Variants in GRIN2A observed in about 807,000 individuals in gnomAD.
The protein encoded by GRIN2A is glutamate ionotropic receptor NMDA type subunit 2A.
In GRIN2A, 22 loss-of-function variants were observed where a neutral mutation model predicts 113.4. The observed-to-expected ratio is 0.19, with a 90% CI of 0.14 to 0.28. GRIN2A has a LOEUF of 0.28. Among genes scored for constraint, GRIN2A ranks in the 10% least tolerant of loss-of-function variants. GRIN2A has a pLI of 1.00. For synonymous variants in GRIN2A, 827 were observed against 738.4 expected, an observed-to-expected ratio of 1.12 and a Z score of -1.94; for missense variants, 1,502 against 1,887.0, an observed-to-expected ratio of 0.80 and a Z score of 3.78.
chr16:9,850,016 A>T, intron 4 of GRIN2A, 55 bp from the exon 5 acceptor site: 1 of 1,473,770 alleles, frequency 6.8e-7, no homozygotes, highest in Non-Finnish European at 9.5e-7. Flanking sequence ...TGATTTCTGG[A>T]GAGGCAAATC....
intron 2 of GRIN2A, among the ~76,000 whole-genome samples, chr16:10,126,799 G>A (rs1422873624): frequency 2.6e-5 from 4 of 152,118 alleles, no homozygotes; most frequent in East Asian, 3.8e-4. Flanking sequence ...TTTCTAGAAC[G>A]TCTGTGAGTC....
rs2050246612 is a variant in GRIN2A at position 10,180,481 on chromosome 16, G to C, written c.-18-52C>G. ...GCCGCGGTGAGCAAGGCGACCAGAAGAAAGGGATTACCAACTTGGCTTCCT... is the reference window on the plus strand; with the variant it reads ...GCCGCGGTGAGCAAGGCGACCAGAACAAAGGGATTACCAACTTGGCTTCCT... On this transcript the variant is annotated intron_variant, in intron 1 of 12. Coordinates refer to ENST00000330684, the MANE Select transcript of GRIN2A (RefSeq NM_001134407.3). This position sits in a 1 kb window ranked among gnomAD's most constrained non-coding sequence, Gnocchi z 7.0. 8 of 1,553,468 alleles carry C rather than the reference G, an allele frequency of 5.1e-6. No homozygotes were observed. The Admixed American group carries it at 1.5e-4, about 29-fold the overall frequency.
intron 10 of GRIN2A, 144 bp downstream of exon 10, chr16:9,822,120 T>A: frequency 1.2e-6 from 1 of 847,648 alleles, no homozygotes. Context: ...TAACAAAAAC[T>A]GCCCTCAACT....
intron 4 of GRIN2A, among the ~76,000 whole-genome samples, chr16:9,860,445 C>CAAAAAAA (rs35715098): frequency 1.2e-3 from 68 of 57,944 alleles, no homozygotes; most frequent in African/African-American, 3.7e-3. Context: ...AAGAGTCTCT[C>CAAAAAAA]AAAAAAAAAA....
chr16:10,029,218 G>T (rs1198712507), intron 2 of GRIN2A, among the ~76,000 whole-genome samples: 2 of 151,272 alleles, frequency 1.3e-5, no homozygotes, highest in African/African-American at 4.9e-5. Context: ...TTTTCAGACA[G>T]AGTTTCGCTC....
Position 9,938,060 on chromosome 16 carries a change from A to G in GRIN2A, c.906T>C (p.Ala302=). 2 of 1,614,086 alleles carry G rather than the reference A, an allele frequency of 1.2e-6. No individual in the cohort carries two copies. Among genetic ancestry groups the G allele is most frequent in the Non-Finnish European group, 1.7e-6 (2 of 1,179,992 alleles). Residue 302 remains alanine (A), a synonymous_variant, in exon 3 of 13, where the codon GCT becomes GCC. Coordinates refer to ENST00000330684, the MANE Select transcript of GRIN2A (RefSeq NM_001134407.3). The part of the protein sequence containing the change: ...VRDGIGILTT[A]ASSMLEKFSY... ...AGAACTTCTCCAGCATAGAAGATGCAGCGGTGGTTAGGATGCCAATGCCGT... is the reference window on the plus strand; with the variant it reads ...AGAACTTCTCCAGCATAGAAGATGCGGCGGTGGTTAGGATGCCAATGCCGT...
chr16:10,159,232 A>T (rs566355075), intron 2 of GRIN2A, among the ~76,000 whole-genome samples: 1 of 152,262 alleles, frequency 6.6e-6, no homozygotes, highest in African/African-American at 2.4e-5. Context: ...GTTCCTTCCA[A>T]GCAAGGAAGG....
In GRIN2A at chr16:10,080,933, T is replaced by A. The variant is rs369426320; in HGVS notation, c.414+99065A>T. Among the ~76,000 whole-genome samples, 33 of 152,274 alleles carry A rather than the reference T, an allele frequency of 2.2e-4. No individual in the cohort carries two copies. The South Asian group carries it at 6.4e-3, about 30-fold the overall frequency. Reference sequence around the variant, plus strand: ...TCCCGTCTCAAATGTTCTGCCCCAGTGAATATCTTCGCCTCCCTGTTAGAC... The same window carrying A: ...TCCCGTCTCAAATGTTCTGCCCCAGAGAATATCTTCGCCTCCCTGTTAGAC... On this transcript the variant is annotated intron_variant, in intron 2 of 12. Transcript: ENST00000330684.
rs552981115 is a variant in GRIN2A at position 10,087,776 on chromosome 16, A to G, written c.414+92222T>C. On this transcript the variant is annotated intron_variant, in intron 2 of 12. Transcript: ENST00000330684. Reference sequence around the variant, plus strand: ...ATGATCTCAGCTCATTGCAGCCTCCATCGGGGCTCAAGTGATCCTCCCACC... The same window carrying G: ...ATGATCTCAGCTCATTGCAGCCTCCGTCGGGGCTCAAGTGATCCTCCCACC... Among the ~76,000 whole-genome samples the G allele has an allele frequency of 3.3e-5, 5 of 151,938 alleles. No individual in the cohort carries two copies. The South Asian group carries it at 1.0e-3, about 32-fold the overall frequency.
intron 2 of GRIN2A, among the ~76,000 whole-genome samples, chr16:10,158,925 G>A (rs2049757408): frequency 6.6e-6 from 1 of 152,178 alleles, no homozygotes; most frequent in South Asian, 2.1e-4. Flanking sequence ...TATGTTATGT[G>A]TATTATATCA....
At chr16:9,882,078 C>T (rs2043492489) in intron 4 of GRIN2A, among the ~76,000 whole-genome samples, 1 of 152,114 alleles carries the variant, frequency 6.6e-6, no homozygotes, top group Non-Finnish European at 1.5e-5. Context: ...CACAAACACA[C>T]ACAGAAGCAA....
intron 3 of GRIN2A, among the ~76,000 whole-genome samples, chr16:9,927,201 T>C (rs1219952431): frequency 6.6e-6 from 1 of 152,206 alleles, no homozygotes; most frequent in Admixed American, 6.5e-5. Flanking sequence ...ATGCCTCCTG[T>C]AAGAATCTAT....
intron 2 of GRIN2A, among the ~76,000 whole-genome samples, chr16:10,179,047 C>T (rs532356162): frequency 7.8e-4 from 119 of 152,300 alleles, no homozygotes; most frequent in African/African-American, 2.8e-3. Context: ...TTCTTCCTTC[C>T]CTCCACTTCT....
At chr16:10,165,722 AGG>A (rs1596570362) in intron 2 of GRIN2A, among the ~76,000 whole-genome samples, 2 of 45,450 alleles carry the variant, frequency 4.4e-5, no homozygotes, top group Non-Finnish European at 7.8e-5. Context: ...GGGAGAAAGG[AGG>A]GGAGGGGAGA....
At chr16:10,158,540 T>A (rs761205915) in intron 2 of GRIN2A, among the ~76,000 whole-genome samples, 1 of 152,222 alleles carries the variant, frequency 6.6e-6, no homozygotes, top group Non-Finnish European at 1.5e-5. Context: ...AATGGTTGAA[T>A]AGATAAATTA....
intron 2 of GRIN2A, among the ~76,000 whole-genome samples, chr16:9,979,346 G>T (rs188178255): frequency 6.6e-6 from 1 of 152,214 alleles, no homozygotes; most frequent in East Asian, 1.9e-4. Flanking sequence ...TTCTCATTTT[G>T]CTCTACAATA....
At chr16:9,921,178 A>C (rs2044351464) in intron 3 of GRIN2A, among the ~76,000 whole-genome samples, 3 of 152,226 alleles carry the variant, frequency 2.0e-5, no homozygotes, top group African/African-American at 7.2e-5. Flanking sequence ...CCCTGTGCTA[A>C]TGACAATAAT....
intron 2 of GRIN2A, among the ~76,000 whole-genome samples, chr16:10,072,358 G>A (rs1287941419): frequency 6.6e-6 from 1 of 152,168 alleles, no homozygotes; most frequent in African/African-American, 2.4e-5. Context: ...GACCTGTGTG[G>A]GTTAAAGGAC....
chr16:10,149,589 A>G (rs574200524), intron 2 of GRIN2A, among the ~76,000 whole-genome samples: 1 of 152,190 alleles, frequency 6.6e-6, no homozygotes, highest in African/African-American at 2.4e-5. Flanking sequence ...TCCATCAGCA[A>G]GTACAGAGCA....
Sources: allele counts gnomAD v4.1 joint callset (sites outside exome capture counted in the v4.1 genomes callset), GRCh38; gene constraint gnomAD v4.1.1; non-coding constraint Gnocchi (gnomAD v3.1); transcripts MANE v1.5; gene names NCBI Gene and HGNC (gene_info 2026-07-23, HGNC 2026-07-21).